The following KLHL26 variants were observed in gnomAD, a reference collection of about 807,000 sequenced individuals.
KLHL26 encodes the protein kelch like family member 26.
A neutral mutation model predicts 7.1 loss-of-function variants in KLHL26; 4 were observed. The observed-to-expected ratio is 0.56, with a 90% CI of 0.28 to 1.28. The LOEUF is 1.28. Among genes scored for constraint, KLHL26 ranks in the 50% most tolerant of loss-of-function variants. KLHL26 has a pLI of 0.11. For missense variants in KLHL26, 896 were observed against 924.6 expected (o/e 0.97, Z 0.40); for synonymous variants, 465 against 414.1 (o/e 1.12, Z -1.49).
chr19:18,661,554 C>A (rs563544989), intron 1 of KLHL26, among the ~76,000 whole-genome samples: 1 of 152,272 alleles, frequency 6.6e-6, no homozygotes, highest in African/African-American at 2.4e-5. Context: ...CCCCTGCATG[C>A]AACATCTTCC....
In KLHL26 at chr19:18,668,327, G is replaced by A. The variant is rs2052478339; in HGVS notation, c.930G>A (p.Ser310=). 4 of 1,609,922 alleles carry A rather than the reference G, an allele frequency of 2.5e-6. No individual in the cohort carries two copies. Among genetic ancestry groups the A allele is most frequent in the African/African-American group, 1.3e-5 (1 of 75,042 alleles). The change falls in exon 3 of 3, where the codon TCG becomes TCA. Residue 310 remains serine, a synonymous_variant. Transcript: ENST00000300976. ...CCGCCGTGCGCTCGGATGTGCCCTC[G>A]CTCGTCACCTTCGGCGGCACGCCCT... ...PRTAVRSDVP[S]LVTFGGTPYT...
At chr19:18,659,655 T>G (rs1457904694) in intron 1 of KLHL26, 1 of 152,226 alleles carries the variant, frequency 6.6e-6, no homozygotes, top group Non-Finnish European at 1.5e-5. Context: ...TCTTGCCTTT[T>G]TTTTTTCTTT....
chr19:18,669,561 G>A lies in KLHL26; in HGVS notation c.*316G>A. 1.8e-6 allele frequency: 1 copy of A among 557,228 alleles called. No individual in the cohort carries two copies. The highest frequency in any genetic ancestry group is 3.2e-6 in the Non-Finnish European group (1 of 316,512). 34.5% of individuals were successfully genotyped at this position (557,228 alleles called of 1,614,324 possible). A position where few individuals can be genotyped will look rare whatever the true frequency, so the allele number is the denominator to read the frequency against. On this transcript the variant is annotated 3_prime_UTR_variant, in exon 3 of 3. Transcript: ENST00000300976. ...GGCGGGTGGAATCCCAGGTCTCCAG[G>A]GGGTCCCTGTGCAGCTCCATCTCAC... is the stretch of plus-strand genomic sequence containing the variant.
At chr19:18,665,962 C>T (rs975065181) in intron 2 of KLHL26, among the ~76,000 whole-genome samples, 8 of 152,216 alleles carry the variant, frequency 5.3e-5, no homozygotes, top group Admixed American at 1.3e-4. Flanking sequence ...ACTGGGGCGC[C>T]GCTTCTATTT....
At chr19:18,658,746 T>TCTGTCTCC (rs938927549) in intron 1 of KLHL26, among the ~76,000 whole-genome samples, 2 of 151,598 alleles carry the variant, frequency 1.3e-5, no homozygotes, top group Admixed American at 6.6e-5. Flanking sequence ...TCTCTGGGTC[T>TCTGTCTCC]CTGTCTCCCT....
rs2036916716 is a variant in KLHL26 at position 18,669,433 on chromosome 19, G to A, written c.*188G>A. ...CCTTCCCAAAGCAGATCCTGGCTGC[G>A]AGTCCATCCGAGGGAGCCTGCCGGC... On this transcript the variant is annotated 3_prime_UTR_variant, in exon 3 of 3. Transcript: ENST00000300976. 1.0e-5 allele frequency: 6 copies of A among 594,206 alleles called. No homozygotes were observed. Among genetic ancestry groups the A allele is most frequent in the Admixed American group, 3.1e-5 (1 of 32,346 alleles). 36.8% of individuals were successfully genotyped at this position (594,206 alleles called of 1,614,324 possible).
chr19:18,666,768 T>G (rs1036157897), intron 2 of KLHL26, among the ~76,000 whole-genome samples: 2 of 152,296 alleles, frequency 1.3e-5, no homozygotes, highest in Middle Eastern at 3.4e-3. Flanking sequence ...CCTTCCCCTC[T>G]TCACATGATG....
rs750774378 is a variant in KLHL26, at chr19:18,667,939, G to A, written c.542G>A (p.Arg181Gln). 41 of 1,610,424 alleles carry A rather than the reference G, an allele frequency of 2.5e-5. No homozygotes were observed. The highest frequency in any genetic ancestry group is 2.2e-5 in the East Asian group (1 of 44,892). The change falls in exon 3 of 3, where the codon CGA (arginine) becomes CAA (glutamine). Residue 181 changes from arginine to glutamine, a missense_variant. Transcript: ENST00000300976. The part of the protein sequence containing the change: ...MATTFSLASL[R>Q]ESVDAFTFRH... ...ACCACCTTCAGCCTGGCCTCGCTGC[G>A]AGAGTCGGTGGATGCCTTCACCTTC...
intron 2 of KLHL26, among the ~76,000 whole-genome samples, chr19:18,666,047 C>T (rs2052444912): frequency 6.6e-6 from 1 of 152,268 alleles, no homozygotes; most frequent in Non-Finnish European, 1.5e-5. Context: ...GCTGGCACTG[C>T]AGCCAGCGAG....
At chr19:18,667,333 C>G (rs1056163735) in intron 2 of KLHL26, 2 of 407,880 alleles carry the variant, frequency 4.9e-6, no homozygotes, top group East Asian at 5.6e-5. Context: ...CTGTGCCTGG[C>G]CTTTGCATGT....
At chr19:18,661,931 G>T (rs11085239) in intron 1 of KLHL26, among the ~76,000 whole-genome samples, 57,124 of 151,836 alleles carry the variant, frequency 0.38, 11,353 homozygotes, top group East Asian at 0.51. Context: ...CCAGGCTGGA[G>T]TGCAGTGGCA....
At position 18,638,453 on chromosome 19, in the gene KLHL26, C is replaced by T. The variant is rs115558651; in HGVS notation, c.83+1316C>T. On this transcript the variant is annotated intron_variant, in intron 1 of 2. Transcript: ENST00000300976. Reference sequence around the variant, plus strand: ...ATTGAATCTGGTCTGCCAGAGGGGCCATGGGGAACCCAGGAGGTGTGTGTC... The same window carrying T: ...ATTGAATCTGGTCTGCCAGAGGGGCTATGGGGAACCCAGGAGGTGTGTGTC... Among the ~76,000 whole-genome samples, 452 of 152,278 alleles carry T rather than the reference C, an allele frequency of 3.0e-3. 2 individuals carry two copies. Among genetic ancestry groups the T allele is most frequent in the African/African-American group, 0.01 (431 of 41,536 alleles).
chr19:18,669,519 C>G lies in KLHL26; in HGVS notation c.*274C>G. 1 of 566,040 alleles carries G rather than the reference C, an allele frequency of 1.8e-6. No homozygotes were observed. The highest frequency in any genetic ancestry group is 3.1e-6 in the Non-Finnish European group (1 of 321,328). 35.1% of individuals were successfully genotyped at this position (566,040 alleles called of 1,614,324 possible). ...CCGGGGTGGTTTCCTCGCCTGGCCC[C>G]CGAGTCCCCACGGGCTGGCGGGTGG... On this transcript the variant is annotated 3_prime_UTR_variant, in exon 3 of 3. Transcript: ENST00000300976.
chr19:18,653,104 C>T (rs1354254455), intron 1 of KLHL26, among the ~76,000 whole-genome samples: 1 of 152,058 alleles, frequency 6.6e-6, no homozygotes, highest in Non-Finnish European at 1.5e-5. Context: ...GACTGAGGCT[C>T]AGAGGGCTGA....
chr19:18,644,592 C>T (rs557090942), intron 1 of KLHL26: 3 of 152,334 alleles, frequency 2.0e-5, no homozygotes, highest in East Asian at 3.9e-4. Flanking sequence ...GTCCCAGAGA[C>T]GTGGCTGAGA....
chr19:18,667,818 G>T lies in KLHL26; in HGVS notation c.421G>T (p.Val141Leu). The change falls in exon 3 of 3, where the codon GTG becomes TTG. Residue 141 changes from valine to leucine, a missense_variant. Physicochemically the swap from Val to Leu is conservative, Grantham distance 32 (BLOSUM62 1). Coordinates refer to ENST00000300976, the MANE Select transcript of KLHL26 (RefSeq NM_018316.3). ...CGTGCAGGACGTGCTGGGCGCGGCCGTGTTCTTGCAGATGCTGCCCGTGGT... is the reference window on the plus strand; with the variant it reads ...CGTGCAGGACGTGCTGGGCGCGGCCTTGTTCTTGCAGATGCTGCCCGTGGT... ...DCVQDVLGAA[V>L]FLQMLPVVEL... 6.2e-7 allele frequency: 1 copy of T among 1,613,308 alleles called. No homozygotes were observed. The highest frequency in any genetic ancestry group is 1.1e-5 in the South Asian group (1 of 91,086).
rs371692549 is a variant in KLHL26, at chr19:18,663,827, C to T, written c.84-434C>T. On this transcript the variant is annotated intron_variant, in intron 1 of 2. Transcript: ENST00000300976. Reference sequence around the variant, plus strand: ...AGTGGGGGCTGGACCACAGAGGGCTCGTATACTCTGGGGTGCAGGGGGCTG... The same window carrying T: ...AGTGGGGGCTGGACCACAGAGGGCTTGTATACTCTGGGGTGCAGGGGGCTG... Among the ~76,000 whole-genome samples the T allele has an allele frequency of 5.4e-4, 68 of 126,026 alleles. 2 individuals carry two copies. The East Asian group carries it at 0.013, about 25-fold the overall frequency. The allele number at this position is 126,026 out of a possible 152,430, so 82.7% of individuals were successfully genotyped here. A position where few individuals can be genotyped will look rare whatever the true frequency, so the allele number is the denominator to read the frequency against.
At chr19:18,667,637 G>A in intron 2 of KLHL26, 27 bp from the exon 3 acceptor site, 2 of 1,590,964 alleles carry the variant, frequency 1.3e-6, no homozygotes, top group South Asian at 1.1e-5. Flanking sequence ...GCCACTGCCA[G>A]CCACACGTTG....
rs78576558 is a variant in KLHL26 at position 18,662,786 on chromosome 19, G to A, written c.84-1475G>A. Among the ~76,000 whole-genome samples the A allele has an allele frequency of 2.8e-3, 423 of 152,140 alleles. 2 individuals are homozygous for A. Among genetic ancestry groups the A allele is most frequent in the Admixed American group, 6.9e-3 (106 of 15,278 alleles). ...GATCTGGATCTGTCATGGGTCTAGG[G>A]AAAAAAGAGCCAAGGCTTGGCTCAG... On this transcript the variant is annotated intron_variant, in intron 1 of 2. Transcript: ENST00000300976.
Sources: gnomAD v4.1 joint callset for allele counts (sites outside exome capture counted in the v4.1 genomes callset) on GRCh38, gnomAD v4.1.1 for gene constraint, MANE v1.5 for transcripts, NCBI Gene and HGNC (gene_info 2026-07-23, HGNC 2026-07-21) for gene names.